Variants in NCF2 observed in about 807,000 individuals in gnomAD.
NCF2 encodes neutrophil cytosol factor 2.
NCF2 carries 45 observed loss-of-function variants against 70.9 expected under a neutral mutation model. The ratio of observed to expected loss-of-function variants is 0.63; its 90% CI spans 0.50 to 0.81. The LOEUF is 0.81. Ranked by LOEUF, NCF2 falls within the 40% of genes least tolerant of loss-of-function variation. The pLI, the probability that NCF2 is intolerant of heterozygous loss-of-function variation, is 0.00. For synonymous variants in NCF2, 203 were observed against 233.6 expected (o/e 0.87, Z 1.19); for missense variants, 522 against 631.6 (o/e 0.83, Z 1.86).
At chr1:183,593,033 G>A (rs550236532), upstream of NCF2, among the ~76,000 whole-genome samples, 7 of 152,230 alleles carry the variant, frequency 4.6e-5, no homozygotes, top group South Asian at 1.0e-3. Context: ...GCCTGAAAGC[G>A]CTCAAACCCA....
intron 10 of NCF2, 129 bp downstream of exon 10, chr1:183,565,575 G>C: frequency 1.1e-6 from 1 of 897,668 alleles, no homozygotes; most frequent in Non-Finnish European, 1.8e-6. Context: ...GGGCTGCGTG[G>C]TCATTAGCTG....
At chr1:183,590,054 CT>C in intron 1 of NCF2, 101 bp downstream of exon 1, 1 of 1,565,494 alleles carries the variant, frequency 6.4e-7, no homozygotes, top group Non-Finnish European at 8.8e-7. Flanking sequence ...AACTTTTGTT[CT>C]TTTCAATCTC....
chr1:183,566,049 C>A (rs969576102), intron 9 of NCF2, among the ~76,000 whole-genome samples: 4 of 152,216 alleles, frequency 2.6e-5, no homozygotes, highest in Non-Finnish European at 5.9e-5. Context: ...ACTCTTTCAG[C>A]CATATTGGAA....
At chr1:183,582,198 C>CTAAGGAT (rs2102923508) in intron 2 of NCF2, among the ~76,000 whole-genome samples, 1 of 152,322 alleles carries the variant, frequency 6.6e-6, no homozygotes, top group East Asian at 1.9e-4. Flanking sequence ...GGCCGTGCTG[C>CTAAGGAT]GGCAGCCCCC....
At chr1:183,587,697 C>A (rs766870290) in intron 1 of NCF2, among the ~76,000 whole-genome samples, 12 of 147,992 alleles carry the variant, frequency 8.1e-5, no homozygotes, top group Non-Finnish European at 1.5e-4. Context: ...CAACAGAAAT[C>A]TTAGAAGAAA....
intron 2 of NCF2, among the ~76,000 whole-genome samples, chr1:183,578,839 G>C (rs535856451): frequency 6.6e-6 from 1 of 152,350 alleles, no homozygotes; most frequent in South Asian, 2.1e-4. Flanking sequence ...ACACACTTCT[G>C]AGGATGCTGG....
intron 14 of NCF2, 73 bp from the exon 15 acceptor site, chr1:183,556,303 CAG>C (rs1671778922): frequency 7.3e-7 from 1 of 1,370,024 alleles, no homozygotes; most frequent in Non-Finnish European, 1.0e-6. Flanking sequence ...CTATTCCACA[CAG>C]AATTTGTTAT....
intron 10 of NCF2, 100 bp from the exon 11 acceptor site, chr1:183,564,130 C>T: frequency 1.7e-6 from 2 of 1,158,054 alleles, no homozygotes; most frequent in Non-Finnish European, 2.6e-6. Context: ...AAATAGGGCC[C>T]CCAACCTCTT....
chr1:183,563,367 T>C, intron 12 of NCF2, 61 bp from the exon 13 acceptor site: 4 of 1,613,828 alleles, frequency 2.5e-6, no homozygotes, highest in Non-Finnish European at 3.4e-6. Context: ...ACCATCCTCC[T>C]CTTCCCTCCT....
At chr1:183,592,399 G>T (rs527835292), upstream of NCF2, among the ~76,000 whole-genome samples, 20 of 152,308 alleles carry the variant, frequency 1.3e-4, no homozygotes, top group African/African-American at 2.4e-4. Context: ...TGGGTAGTAG[G>T]AGAATTTTCC....
intron 6 of NCF2, among the ~76,000 whole-genome samples, chr1:183,570,071 T>A (rs1026308189): frequency 1.3e-5 from 2 of 152,206 alleles, no homozygotes; most frequent in Non-Finnish European, 2.9e-5. Flanking sequence ...AAGAAAGAGA[T>A]CAAGGAATCT....
At chr1:183,565,416 C>T (rs1256507609) in intron 10 of NCF2, among the ~76,000 whole-genome samples, 2 of 152,176 alleles carry the variant, frequency 1.3e-5, no homozygotes, top group Non-Finnish European at 2.9e-5. Flanking sequence ...CATCGTTTCC[C>T]TACCTAATGA....
At chr1:183,579,313 A>G (rs192677031) in intron 2 of NCF2, among the ~76,000 whole-genome samples, 149 of 152,316 alleles carry the variant, frequency 9.8e-4, no homozygotes, top group South Asian at 7.0e-3. Flanking sequence ...TTGCCAGCAT[A>G]TGGATCCCAC....
At chr1:183,577,520 G>C in intron 3 of NCF2, 79 bp downstream of exon 3, 3 of 1,179,462 alleles carry the variant, frequency 2.5e-6, no homozygotes, top group Non-Finnish European at 3.8e-6. Flanking sequence ...GGTGTCAACA[G>C]ATCACTGTGC....
At chr1:183,557,669 A>G (rs2102870684) in intron 14 of NCF2, among the ~76,000 whole-genome samples, 1 of 152,308 alleles carries the variant, frequency 6.6e-6, no homozygotes, top group East Asian at 1.9e-4. Flanking sequence ...AGTAAGACGC[A>G]TACTGGCTTC....
chr1:183,573,272 T>G lies in NCF2; in HGVS notation c.522A>C (p.Pro174=), dbSNP rs1395051216. The G allele has an allele frequency of 6.2e-7, 1 of 1,614,044 alleles. No individual in the cohort carries two copies. Among genetic ancestry groups the G allele is most frequent in the Non-Finnish European group, 8.5e-7 (1 of 1,179,984 alleles). Residue 174 remains proline, a synonymous_variant, in exon 5 of 15, where the codon CCA becomes CCC. Coordinates refer to ENST00000367535, the MANE Select transcript of NCF2 (RefSeq NM_000433.4). ...ECVWKQKLYE[P]VVIPVGKLFR... ...ACAGCTTGCCCACAGGGATCACCAC[T>G]GGCTCATATAGCTTCTGCTTCTGTA... is the stretch of plus-strand genomic sequence containing the variant.
At chr1:183,562,877 T>C (rs1283957551) in intron 13 of NCF2, among the ~76,000 whole-genome samples, 4 of 150,828 alleles carry the variant, frequency 2.7e-5, no homozygotes, top group Admixed American at 1.3e-4. Context: ...TAAGCTATGA[T>C]ATGACTTCAT....
chr1:183,569,944 C>T (rs1464569226), intron 6 of NCF2, among the ~76,000 whole-genome samples: 1 of 152,144 alleles, frequency 6.6e-6, no homozygotes, highest in African/African-American at 2.4e-5. Flanking sequence ...AGAATCTCCT[C>T]CCCTGTTCTA....
At chr1:183,601,688 T>G in the NCF2 span, among the ~76,000 whole-genome samples, 1 of 151,974 alleles carries the variant, frequency 6.6e-6, no homozygotes, top group Non-Finnish European at 1.5e-5. Flanking sequence ...AAACCCCGTC[T>G]CTACTAAAAA....
Sources: allele counts gnomAD v4.1 joint callset (sites outside exome capture counted in the v4.1 genomes callset), GRCh38; gene constraint gnomAD v4.1.1; transcripts MANE v1.5; gene names NCBI Gene and HGNC (gene_info 2026-07-23, HGNC 2026-07-21).